GABRB3: variants seen among roughly 807,000 people sequenced by gnomAD.
GABRB3 encodes gamma-aminobutyric acid receptor subunit beta-3.
A neutral mutation model predicts 52.1 loss-of-function variants in GABRB3; 14 were observed. The ratio of observed to expected loss-of-function variants is 0.27; its 90% CI spans 0.18 to 0.42. GABRB3 has a LOEUF of 0.42. Ranked by LOEUF, GABRB3 falls within the 10% of genes least tolerant of loss-of-function variation. The probability of loss-of-function intolerance (pLI) is 1.00; values close to 1 mark genes in which losing one functional copy is unlikely to be tolerated. For missense variants in GABRB3, 307 were observed against 609.1 expected, an observed-to-expected ratio of 0.50 and a Z score of 5.22; for synonymous variants, 260 against 232.3, an observed-to-expected ratio of 1.12 and a Z score of -1.08.
At chr15:26,706,208 A>G (rs1376268022) in intron 3 of GABRB3, among the ~76,000 whole-genome samples, 3 of 152,136 alleles carry the variant, frequency 2.0e-5, no homozygotes, top group South Asian at 4.1e-4. Flanking sequence ...TCGAAACTCA[A>G]CGGGGTCCCA....
At chr15:26,606,805 T>TAGCGATAGATATATCGATAG (rs1398253433) in intron 4 of GABRB3, among the ~76,000 whole-genome samples, 1 of 117,950 alleles carries the variant, frequency 8.5e-6, no homozygotes, top group African/African-American at 2.8e-5. Flanking sequence ...TAGATATATC[T>TAGCGATAGATATATCGATAG]ATAGATAGAT....
At chr15:26,635,746 G>A (rs528175628) in intron 3 of GABRB3, among the ~76,000 whole-genome samples, 95 of 152,242 alleles carry the variant, frequency 6.2e-4, no homozygotes, top group African/African-American at 2.1e-3. Flanking sequence ...TCTAGATCAG[G>A]ATTTGTCAAT....
intron 3 of GABRB3, among the ~76,000 whole-genome samples, chr15:26,748,982 A>G (rs919681467): frequency 3.9e-5 from 6 of 152,010 alleles, no homozygotes; most frequent in African/African-American, 1.4e-4. Flanking sequence ...CGGAGACAGC[A>G]TTACTGCACT....
At chr15:26,554,195 A>AG (rs1567097931) in intron 8 of GABRB3, among the ~76,000 whole-genome samples, 8 of 71,154 alleles carry the variant, frequency 1.1e-4, no homozygotes, top group African/African-American at 4.4e-4. Context: ...TATATACTAT[A>AG]TATATATATA....
intron 3 of GABRB3, chr15:26,666,635 A>G (rs978686703): frequency 2.0e-5 from 3 of 152,216 alleles, no homozygotes; most frequent in Non-Finnish European, 4.4e-5. Flanking sequence ...GGCAGGAACT[A>G]GGGAGGCAAT....
At chr15:26,596,896 G>A (rs1031297329) in intron 4 of GABRB3, among the ~76,000 whole-genome samples, 1 of 152,098 alleles carries the variant, frequency 6.6e-6, no homozygotes, top group African/African-American at 2.4e-5. Flanking sequence ...GGTAGAGAAC[G>A]TGCATCTGAA....
At chr15:26,735,979 C>T (rs111581962) in intron 3 of GABRB3, among the ~76,000 whole-genome samples, 1,710 of 146,942 alleles carry the variant, frequency 0.012, 17 homozygotes, top group Non-Finnish European at 0.021. Flanking sequence ...AAAGCCAGTT[C>T]TAAAAACACA....
At chr15:26,667,806 C>T (rs28591393) in intron 3 of GABRB3, among the ~76,000 whole-genome samples, 28,117 of 152,006 alleles carry the variant, frequency 0.18, 2,809 homozygotes, top group Middle Eastern at 0.28. Context: ...CCAGCTGTGT[C>T]GAAACAATCC....
chr15:26,560,105 G>C (rs1371355428), intron 8 of GABRB3, among the ~76,000 whole-genome samples: 2 of 152,156 alleles, frequency 1.3e-5, no homozygotes, highest in East Asian at 3.8e-4. Context: ...CTCCACCCCA[G>C]CGTTTCATTC....
At chr15:26,642,356 T>C in intron 3 of GABRB3, 1 of 521,130 alleles carries the variant, frequency 1.9e-6, no homozygotes, top group South Asian at 1.8e-5. Context: ...TTGGTGTACT[T>C]GGAGGTATGG....
At chr15:26,672,110 G>A (rs903845878) in intron 3 of GABRB3, among the ~76,000 whole-genome samples, 23 of 151,374 alleles carry the variant, frequency 1.5e-4, no homozygotes, top group East Asian at 5.8e-4. Context: ...TTTTCTTTGC[G>A]TGCTTAGAAC....
intron 4 of GABRB3, among the ~76,000 whole-genome samples, chr15:26,619,705 A>T (rs547709078): frequency 6.6e-6 from 1 of 152,262 alleles, no homozygotes; most frequent in Non-Finnish European, 1.5e-5. Context: ...TAAAGAATGC[A>T]AAAATAAAAG....
intron 3 of GABRB3, among the ~76,000 whole-genome samples, chr15:26,632,106 T>A (rs1892927866): frequency 6.6e-6 from 1 of 152,254 alleles, no homozygotes; most frequent in South Asian, 2.1e-4. Flanking sequence ...CCTCACTGTC[T>A]TATGCCTGTC....
intron 3 of GABRB3, among the ~76,000 whole-genome samples, chr15:26,713,171 C>G (rs1258160640): frequency 6.6e-6 from 1 of 152,184 alleles, no homozygotes; most frequent in African/African-American, 2.4e-5. Context: ...CCAGGTGGCG[C>G]TCAGCTCCTG....
intron 3 of GABRB3, among the ~76,000 whole-genome samples, chr15:26,689,561 G>A (rs981642442): frequency 6.6e-6 from 1 of 152,106 alleles, no homozygotes; most frequent in African/African-American, 2.4e-5. Flanking sequence ...GCCTCTTCTT[G>A]GGACCCATGT....
chr15:26,554,373 A>C (rs1189618055), intron 8 of GABRB3, among the ~76,000 whole-genome samples: 5 of 150,970 alleles, frequency 3.3e-5, no homozygotes, highest in African/African-American at 1.2e-4. Flanking sequence ...GATAACATAT[A>C]AAAAGCTCCT....
At chr15:26,654,625 G>T (rs985141639) in intron 3 of GABRB3, among the ~76,000 whole-genome samples, 1 of 152,060 alleles carries the variant, frequency 6.6e-6, no homozygotes, top group East Asian at 2.0e-4. Context: ...GCCAGCAGAG[G>T]TGGCACACAC....
rs566677808 is a variant in GABRB3 at position 26,629,217 on chromosome 15, G to A, written c.241-7683C>T. The A allele has an allele frequency of 4.5e-5, 65 of 1,432,858 alleles. No homozygotes were observed. In the African/African-American group the frequency reaches 7.4e-4, roughly 16 times the overall value. 88.8% of individuals were successfully genotyped at this position (1,432,858 alleles called of 1,614,324 possible). On this transcript the variant is annotated intron_variant, in intron 3 of 8. Coordinates refer to ENST00000311550, the MANE Select transcript of GABRB3 (RefSeq NM_000814.6). Reference sequence around the variant, plus strand: ...TTGCGAAGCGGCGGCAATCAGGGGCGGGGCCTGGAAAGGAGGGCAGCGCGG... The same window carrying A: ...TTGCGAAGCGGCGGCAATCAGGGGCAGGGCCTGGAAAGGAGGGCAGCGCGG...
chr15:26,547,127 G>A lies in GABRB3; in HGVS notation c.*666C>T, dbSNP rs540518458. ...GACGGTCGTTCAGACATCAACGTGGGATCTATCTATGTTTCAGACAACAGG... is the reference window on the plus strand; with the variant it reads ...GACGGTCGTTCAGACATCAACGTGGAATCTATCTATGTTTCAGACAACAGG... On this transcript the variant is annotated 3_prime_UTR_variant, in exon 9 of 9. Coordinates refer to ENST00000311550, the MANE Select transcript of GABRB3 (RefSeq NM_000814.6). The A allele has an allele frequency of 6.0e-6, 1 of 167,954 alleles. No homozygotes were observed. The highest frequency in any genetic ancestry group is 2.0e-4 in the South Asian group (1 of 4,978). The allele number at this position is 167,954 out of a possible 1,614,324, so 10.4% of individuals were successfully genotyped here.
Sources: allele counts gnomAD v4.1 joint callset (sites outside exome capture counted in the v4.1 genomes callset), GRCh38; gene constraint gnomAD v4.1.1; transcripts MANE v1.5; gene names NCBI Gene and HGNC (gene_info 2026-07-23, HGNC 2026-07-21).